The following SMIM17 variants were observed in gnomAD, a reference collection of about 807,000 sequenced individuals.
SMIM17 encodes small integral membrane protein 17.
SMIM17 carries 10 observed loss-of-function variants against 12.2 expected under a neutral mutation model. The observed-to-expected ratio is 0.82, with a 90% confidence interval of 0.50 to 1.39. The LOEUF (loss-of-function observed/expected upper bound fraction) is 1.39, where lower values mean the gene tolerates loss of function less well. SMIM17 is among the 40% of genes most tolerant of loss of function. The pLI, the probability that SMIM17 is intolerant of heterozygous loss-of-function variation, is 0.00. For synonymous variants in SMIM17, 50 were observed against 44.1 expected (o/e 1.13, Z -0.53); for missense variants, 136 against 118.2 (o/e 1.15, Z -0.70).
intron 1 of SMIM17, among the ~76,000 whole-genome samples, chr19:56,644,858 G>A (rs76304285): frequency 6.6e-6 from 1 of 152,098 alleles, no homozygotes; most frequent in Non-Finnish European, 1.5e-5. Flanking sequence ...CTGAAGCCTT[G>A]AACTCCCAGG....
In SMIM17 at chr19:56,655,948, G is replaced by GTTT. The variant is rs1430654024; in HGVS notation, c.*738_*740dup. Among the ~76,000 whole-genome samples, 2 of 118,940 alleles carry GTTT rather than the reference G, an allele frequency of 1.7e-5. No homozygotes were observed. Among genetic ancestry groups the GTTT allele is most frequent in the East Asian group, 3.0e-4 (1 of 3,368 alleles). 78.0% of individuals were successfully genotyped at this position (118,940 alleles called of 152,430 possible). ...GCATTTATTTTGGCGAATTACAGAGGTTTTTGTTTTTTTTTTTTTTTGAGA... is the reference window on the plus strand; with the variant it reads ...GCATTTATTTTGGCGAATTACAGAGGTTTTTTTTGTTTTTTTTTTTTTTTGAGA... On this transcript the variant is annotated 3_prime_UTR_variant, in exon 4 of 4. Transcript: ENST00000598409.
chr19:56,653,209 C>T (rs766424473), intron 3 of SMIM17, among the ~76,000 whole-genome samples: 8 of 152,176 alleles, frequency 5.3e-5, no homozygotes, highest in Non-Finnish European at 1.0e-4. Flanking sequence ...GAAGCAACTA[C>T]AGTTCTTGAT....
At position 56,656,367 on chromosome 19, in the gene SMIM17, T is replaced by C. The variant is rs1248330461; in HGVS notation, c.*1154T>C. ...TTATTTTGTTCTATCCCCTGTTTCC[T>C]GTAAACTGCTGTTTGTGGTTTACTC... On this transcript the variant is annotated 3_prime_UTR_variant, in exon 4 of 4. Coordinates refer to ENST00000598409, the MANE Select transcript of SMIM17 (RefSeq NM_001193628.2). Among the ~76,000 whole-genome samples the C allele has an allele frequency of 6.6e-6, 1 of 152,220 alleles. No homozygotes were observed.
intron 3 of SMIM17, among the ~76,000 whole-genome samples, chr19:56,651,099 C>G (rs563431790): frequency 6.6e-6 from 1 of 152,158 alleles, no homozygotes; most frequent in Non-Finnish European, 1.5e-5. Context: ...GAACCAGAGA[C>G]CTTTGATGAC....
At chr19:56,644,123 A>G (rs1446844431) in intron 1 of SMIM17, among the ~76,000 whole-genome samples, 1 of 151,218 alleles carries the variant, frequency 6.6e-6, no homozygotes, top group Admixed American at 6.6e-5. Flanking sequence ...CCCATCTGTC[A>G]CCCCGCTTGC....
chr19:56,643,552 C>T (rs2045040106), intron 1 of SMIM17, among the ~76,000 whole-genome samples: 1 of 152,116 alleles, frequency 6.6e-6, no homozygotes, highest in African/African-American at 2.4e-5. Context: ...CACGTGCGCT[C>T]GTCTCGCTGG....
intron 1 of SMIM17, 104 bp from the exon 2 acceptor site, chr19:56,645,464 C>A: frequency 4.6e-6 from 2 of 437,538 alleles, no homozygotes; most frequent in South Asian, 6.2e-5. Flanking sequence ...CCCAGGAGGG[C>A]AGGAATCTCC....
intron 3 of SMIM17, among the ~76,000 whole-genome samples, chr19:56,652,949 A>G (rs1568519061): frequency 6.6e-6 from 1 of 152,214 alleles, no homozygotes; most frequent in South Asian, 2.1e-4. Flanking sequence ...TGAGGCATCC[A>G]TGGGTCTATT....
At chr19:56,644,312 A>C (rs1331768347) in intron 1 of SMIM17, among the ~76,000 whole-genome samples, 1 of 152,182 alleles carries the variant, frequency 6.6e-6, no homozygotes, top group Non-Finnish European at 1.5e-5. Flanking sequence ...TCTTGCCCTG[A>C]AAAATGTCTA....
chr19:56,655,499 T>C lies in SMIM17; in HGVS notation c.*286T>C, dbSNP rs2045143513. On this transcript the variant is annotated 3_prime_UTR_variant, in exon 4 of 4. Transcript: ENST00000598409. ...ATGCCACCAACTGGAAGATATCTCC[T>C]GACTTTGAGAAGATGAAAAAATGTG... 5.2e-6 allele frequency: 2 copies of C among 386,028 alleles called. No homozygotes were observed. The highest frequency in any genetic ancestry group is 4.6e-6 in the Non-Finnish European group (1 of 218,326). The allele number at this position is 386,028 out of a possible 1,614,324, so 23.9% of individuals were successfully genotyped here.
rs2045074866 is a variant in SMIM17, at chr19:56,647,628, C to T, written c.240C>T (p.Gly80=). The T allele has an allele frequency of 6.5e-7, 1 of 1,535,598 alleles. No homozygotes were observed. Among genetic ancestry groups the T allele is most frequent in the Admixed American group, 2.0e-5 (1 of 50,954 alleles). ...TGGAGGAAGATGACGAATCAGAGGG[C>T]TCCCAGGTACACTGGGGGGTTTGTT... ...SSVEEDDESE[G]SQGFVEWSKA... is the part of the protein sequence containing the mutation. Residue 80 remains glycine, a synonymous_variant, in exon 3 of 4, where the codon GGC becomes GGT. Coordinates refer to ENST00000598409, the MANE Select transcript of SMIM17 (RefSeq NM_001193628.2).
At chr19:56,651,893 C>A (rs536161806) in intron 3 of SMIM17, among the ~76,000 whole-genome samples, 1 of 151,960 alleles carries the variant, frequency 6.6e-6, no homozygotes, top group East Asian at 1.9e-4. Flanking sequence ...CGCTTAAGGT[C>A]ATGAGTTCGA....
At chr19:56,650,838 G>C (rs754196747) in intron 3 of SMIM17, among the ~76,000 whole-genome samples, 4 of 152,240 alleles carry the variant, frequency 2.6e-5, no homozygotes, top group Non-Finnish European at 5.9e-5. Flanking sequence ...GGATCAAGGA[G>C]GCAGTTTGGA....
At chr19:56,644,641 C>G (rs574333824) in intron 1 of SMIM17, among the ~76,000 whole-genome samples, 185 of 152,336 alleles carry the variant, frequency 1.2e-3, no homozygotes, top group African/African-American at 4.1e-3. Context: ...TCCCCACTGC[C>G]TCCGTCGTCT....
chr19:56,654,638 T>C (rs1298044055), intron 3 of SMIM17, among the ~76,000 whole-genome samples: 1 of 152,044 alleles, frequency 6.6e-6, no homozygotes, highest in Non-Finnish European at 1.5e-5. Flanking sequence ...GAAGGGGTAA[T>C]GGGAGGAAAA....
chr19:56,653,231 T>C (rs2045123122), intron 3 of SMIM17, among the ~76,000 whole-genome samples: 3 of 152,332 alleles, frequency 2.0e-5, no homozygotes, highest in South Asian at 4.1e-4. Context: ...TCCACTTGCA[T>C]GGATTAGTTT....
chr19:56,648,051 T>TTCCATCCA (rs72265006), intron 3 of SMIM17, among the ~76,000 whole-genome samples: 32 of 134,140 alleles, frequency 2.4e-4, no homozygotes, highest in South Asian at 1.3e-3. Flanking sequence ...TGTATACCCA[T>TTCCATCCA]TCCATCCATC....
chr19:56,643,465 T>C (rs2045039323), intron 1 of SMIM17, among the ~76,000 whole-genome samples: 1 of 151,956 alleles, frequency 6.6e-6, no homozygotes, highest in Admixed American at 6.5e-5. Context: ...TGTCCTGGCT[T>C]GGGGGTTGCA....
At chr19:56,649,770 T>G (rs1600619065) in intron 3 of SMIM17, among the ~76,000 whole-genome samples, 1 of 150,222 alleles carries the variant, frequency 6.7e-6, no homozygotes, top group Non-Finnish European at 1.5e-5. Flanking sequence ...GACTAGGAGG[T>G]GAGGTCATGG....
Sources: allele counts gnomAD v4.1 joint callset (sites outside exome capture counted in the v4.1 genomes callset), GRCh38; gene constraint gnomAD v4.1.1; transcripts MANE v1.5; gene names NCBI Gene and HGNC (gene_info 2026-07-23, HGNC 2026-07-21).